The following WWP1 variants were observed in gnomAD, a reference collection of about 807,000 sequenced individuals.
WWP1 encodes NEDD4-like E3 ubiquitin-protein ligase WWP1.
In WWP1, 49 loss-of-function variants were observed where a neutral mutation model predicts 130.6. The observed-to-expected ratio is 0.38, with a 90% CI of 0.30 to 0.48. The LOEUF is 0.48. Among genes scored for constraint, WWP1 ranks in the 20% least tolerant of loss-of-function variants. The pLI, the probability that WWP1 is intolerant of heterozygous loss-of-function variation, is 0.99. For synonymous variants in WWP1, 332 were observed against 367.8 expected, an observed-to-expected ratio of 0.90 and a Z score of 1.11; for missense variants, 809 against 1,100.6, an observed-to-expected ratio of 0.74 and a Z score of 3.75.
chr8:86,389,859 G>A (rs1411734652), intron 5 of WWP1, among the ~76,000 whole-genome samples: 10 of 151,828 alleles, frequency 6.6e-5, no homozygotes, highest in Non-Finnish European at 1.5e-4. Flanking sequence ...TCCCAGATGG[G>A]GCGGCTGGCC....
chr8:86,459,228 G>A (rs945658299), intron 22 of WWP1, among the ~76,000 whole-genome samples: 3 of 150,870 alleles, frequency 2.0e-5, no homozygotes, highest in Non-Finnish European at 4.4e-5. Flanking sequence ...TAGAGACGGG[G>A]TTTCACCATG....
intron 1 of WWP1, among the ~76,000 whole-genome samples, chr8:86,363,511 A>G (rs966472447): frequency 6.6e-6 from 1 of 151,972 alleles, no homozygotes; most frequent in Non-Finnish European, 1.5e-5. Flanking sequence ...GTTAAATTAT[A>G]TGTCTATGGG....
At chr8:86,376,162 T>C (rs1208900174) in intron 3 of WWP1, among the ~76,000 whole-genome samples, 1 of 152,218 alleles carries the variant, frequency 6.6e-6, no homozygotes, top group Non-Finnish European at 1.5e-5. Flanking sequence ...CTTAGAGCCC[T>C]ATTTTCACTA....
At chr8:86,364,987 TGATAGGG>T (rs1823889316) in intron 1 of WWP1, among the ~76,000 whole-genome samples, 1 of 152,034 alleles carries the variant, frequency 6.6e-6, no homozygotes, top group South Asian at 2.1e-4. Flanking sequence ...AGTGCATTTA[TGATAGGG>T]GAGATGTGAG....
chr8:86,450,943 G>A (rs1267280503), intron 20 of WWP1, among the ~76,000 whole-genome samples: 1 of 151,956 alleles, frequency 6.6e-6, no homozygotes, highest in Non-Finnish European at 1.5e-5. Context: ...AGAGGCTGGT[G>A]GCTCCTGCCT....
chr8:86,420,729 A>G (rs1225946266), intron 9 of WWP1, among the ~76,000 whole-genome samples: 11 of 152,320 alleles, frequency 7.2e-5, no homozygotes. Flanking sequence ...GTTTTTTGCA[A>G]TAAGTCTCAC....
At chr8:86,344,205 G>T (rs377164348) in intron 1 of WWP1, among the ~76,000 whole-genome samples, 219 of 152,304 alleles carry the variant, frequency 1.4e-3, no homozygotes, top group African/African-American at 4.9e-3. Flanking sequence ...TACTCAGATT[G>T]AGAATTGTAA....
intron 2 of WWP1, among the ~76,000 whole-genome samples, chr8:86,371,368 C>T (rs1185502901): frequency 6.6e-6 from 1 of 152,150 alleles, no homozygotes; most frequent in East Asian, 1.9e-4. Flanking sequence ...TTCAAAATTA[C>T]TCATTGAAGG....
intron 11 of WWP1, among the ~76,000 whole-genome samples, chr8:86,430,281 T>C (rs1809863218): frequency 6.6e-6 from 1 of 152,112 alleles, no homozygotes; most frequent in Admixed American, 6.6e-5. Flanking sequence ...TATATAATAA[T>C]ATAGATATAT....
intron 1 of WWP1, among the ~76,000 whole-genome samples, chr8:86,364,825 AAGAAAGAAAGAGAGAG>A (rs1260678119): frequency 3.7e-5 from 5 of 136,656 alleles, no homozygotes; most frequent in Non-Finnish European, 8.1e-5. Context: ...GAAAGAAAGA[AAGAAAGAAAGAGAGAG>A]AGAGAGAGAG....
rs1324394506 is a variant in WWP1 at position 86,467,343 on chromosome 8, T to C, written c.*450T>C. The stretch of plus-strand genomic sequence containing the variant: ...CATCTCCTGAGGGTGTTTAGTTGCA[T>C]GGCTGTTCAGAAAGGTATTAAGGGC... On this transcript the variant is annotated 3_prime_UTR_variant, in exon 25 of 25. Coordinates refer to ENST00000517970, the MANE Select transcript of WWP1 (RefSeq NM_007013.4). The C allele has an allele frequency of 6.5e-5, 10 of 153,080 alleles. No homozygotes were observed. Among genetic ancestry groups the C allele is most frequent in the African/African-American group, 2.4e-4 (10 of 41,368 alleles). 9.5% of individuals were successfully genotyped at this position (153,080 alleles called of 1,614,324 possible).
chr8:86,448,570 C>T (rs1811007576), intron 20 of WWP1, 57 bp downstream of exon 20: 1 of 1,498,566 alleles, frequency 6.7e-7, no homozygotes, highest in Non-Finnish European at 9.0e-7. Context: ...ACTAAATCCT[C>T]TCTCTGTACC....
intron 1 of WWP1, among the ~76,000 whole-genome samples, chr8:86,362,059 C>T (rs1434204733): frequency 6.7e-5 from 5 of 74,432 alleles, no homozygotes; most frequent in African/African-American, 2.9e-4. Flanking sequence ...CACATATATA[C>T]ACACATATAT....
chr8:86,445,949 GTCTTTTCTTTTCTTT>G (rs1191146847), intron 18 of WWP1, among the ~76,000 whole-genome samples: 6 of 109,132 alleles, frequency 5.5e-5, no homozygotes, highest in South Asian at 2.8e-4. Flanking sequence ...CTGCTTATAT[GTCTTTTCTTTTCTTT>G]TCTTTTCTTT....
chr8:86,424,239 A>G (rs961200291), intron 9 of WWP1, among the ~76,000 whole-genome samples: 4 of 147,488 alleles, frequency 2.7e-5, no homozygotes, highest in Admixed American at 1.3e-4. Flanking sequence ...CCCACATCTC[A>G]GACGATGGGC....
chr8:86,388,212 C>G (rs1402525956), intron 5 of WWP1, among the ~76,000 whole-genome samples: 2 of 142,740 alleles, frequency 1.4e-5, no homozygotes, highest in African/African-American at 2.6e-5. Flanking sequence ...TTTTATATTT[C>G]TCTTAGGTAG....
At chr8:86,362,163 CATATATATATATAT>C (rs34231831) in intron 1 of WWP1, among the ~76,000 whole-genome samples, 633 of 59,024 alleles carry the variant, frequency 0.011, 26 homozygotes, top group Non-Finnish European at 0.011. Flanking sequence ...ATATACAAGG[CATATATATATATAT>C]ATATATATAT....
chr8:86,386,147 C>G (rs1825271351), intron 5 of WWP1, among the ~76,000 whole-genome samples: 1 of 152,200 alleles, frequency 6.6e-6, no homozygotes, highest in African/African-American at 2.4e-5. Flanking sequence ...GTATGCTTTG[C>G]TGGGTCTCCT....
chr8:86,406,976 C>T (rs1424563205), intron 8 of WWP1, among the ~76,000 whole-genome samples: 1 of 151,924 alleles, frequency 6.6e-6, no homozygotes, highest in African/African-American at 2.4e-5. Context: ...ATGGATATAC[C>T]ATAAAGTTCA....
Sources: allele counts gnomAD v4.1 joint callset (sites outside exome capture counted in the v4.1 genomes callset), GRCh38; gene constraint gnomAD v4.1.1; transcripts MANE v1.5; gene names NCBI Gene and HGNC (gene_info 2026-07-23, HGNC 2026-07-21).